Variants in CAMSAP1 observed in about 807,000 individuals in gnomAD.
CAMSAP1 encodes the protein calmodulin-regulated spectrin-associated protein 1.
In CAMSAP1, 58 loss-of-function variants were observed where a neutral mutation model predicts 143.5. The observed-to-expected ratio is 0.40, with a 90% CI of 0.33 to 0.50. The LOEUF is 0.50. Among genes scored for constraint, CAMSAP1 ranks in the 20% least tolerant of loss-of-function variants. The pLI is 0.45. For missense variants in CAMSAP1, 1,969 were observed against 2,115.7 expected (o/e 0.93, Z 1.36); for synonymous variants, 945 against 859.3 (o/e 1.10, Z -1.74).
At chr9:135,819,917 C>T (rs1201154477) in intron 11 of CAMSAP1, among the ~76,000 whole-genome samples, 1 of 152,070 alleles carries the variant, frequency 6.6e-6, no homozygotes, top group Non-Finnish European at 1.5e-5. Flanking sequence ...AGTGCAACCA[C>T]CAAATAAAGC....
intron 1 of CAMSAP1, among the ~76,000 whole-genome samples, chr9:135,900,824 G>A (rs544053657): frequency 1.7e-4 from 26 of 151,954 alleles, no homozygotes; most frequent in Non-Finnish European, 2.6e-4. Context: ...GCGTAGTCTC[G>A]GCTCACCGCA....
At chr9:135,853,376 T>C (rs1427255678) in intron 5 of CAMSAP1, among the ~76,000 whole-genome samples, 1 of 152,180 alleles carries the variant, frequency 6.6e-6, no homozygotes, top group Non-Finnish European at 1.5e-5. Flanking sequence ...GTGCCAACGT[T>C]AGCTTTCCCA....
At chr9:135,883,489 G>A (rs1838024691) in intron 1 of CAMSAP1, among the ~76,000 whole-genome samples, 1 of 152,192 alleles carries the variant, frequency 6.6e-6, no homozygotes, top group Non-Finnish European at 1.5e-5. Flanking sequence ...GTAGTGCCTG[G>A]GGACACCAGC....
chr9:135,888,884 C>T (rs1051639385), intron 1 of CAMSAP1, among the ~76,000 whole-genome samples: 1 of 152,222 alleles, frequency 6.6e-6, no homozygotes. Context: ...TAACAAACTG[C>T]ACCTTGACAG....
rs938667451 is a variant in CAMSAP1 at position 135,905,349 on chromosome 9, G to A, written c.160+1651C>T. Among the ~76,000 whole-genome samples the A allele has an allele frequency of 3.9e-5, 6 of 152,232 alleles. No individual in the cohort carries two copies. The East Asian group carries it at 5.8e-4, about 15-fold the overall frequency. ...TAAAAAATGCATGCACCTTGCTAAA[G>A]AAATTGGAAAGCAGATCGTGAAAGT... On this transcript the variant is annotated intron_variant, in intron 1 of 16. Transcript: ENST00000389532.
Position 135,818,673 on chromosome 9 carries a change from TGCGCCGCG to T in CAMSAP1, c.3960-65_3960-58del. On this transcript the variant is annotated intron_variant, in intron 12 of 16. Coordinates refer to ENST00000389532, the MANE Select transcript of CAMSAP1 (RefSeq NM_015447.4). This position sits in a 1 kb window ranked among gnomAD's most constrained non-coding sequence, Gnocchi z 7.7. ...GTCACGGGGCTTCTTCCACGACGCC[TGCGCCGCG>T]GCGCTCTGTCCAGGCGCGTTTCTCG... is the stretch of plus-strand genomic sequence containing the variant. The T allele has an allele frequency of 1.9e-6, 3 of 1,568,796 alleles. No homozygotes were observed. Among genetic ancestry groups the T allele is most frequent in the Non-Finnish European group, 2.6e-6 (3 of 1,152,184 alleles).
chr9:135,846,764 C>T (rs374088376), intron 7 of CAMSAP1, among the ~76,000 whole-genome samples: 12 of 150,308 alleles, frequency 8.0e-5, no homozygotes, highest in African/African-American at 2.7e-4. Flanking sequence ...TATATGCGGC[C>T]GACAAACATA....
chr9:135,869,458 G>A (rs1040377818), intron 3 of CAMSAP1, among the ~76,000 whole-genome samples: 7 of 150,552 alleles, frequency 4.6e-5, no homozygotes, highest in African/African-American at 9.8e-5. Context: ...AGCCACGACC[G>A]CACCACTGCA....
intron 1 of CAMSAP1, among the ~76,000 whole-genome samples, chr9:135,904,375 G>T (rs1474460988): frequency 7.1e-6 from 1 of 141,108 alleles, no homozygotes; most frequent in East Asian, 2.1e-4. Context: ...CTCCAGCCTG[G>T]CCGACAGAGC....
Position 135,882,931 on chromosome 9 carries a change from G to A in CAMSAP1, c.308C>T (p.Ala103Val). The A allele has an allele frequency of 6.4e-7, 1 of 1,551,778 alleles. No homozygotes were observed. Among genetic ancestry groups the A allele is most frequent in the South Asian group, 1.2e-5 (1 of 84,062 alleles). ...GATGACAGACTGGTGTCCCTGTAAG[G>A]CGGCCACCTGGTCCCCTTTCAGGAT... ...SLILKGDQVA[A>V]LQGHQSVIQA... Residue 103 changes from alanine to valine, a missense_variant, in exon 2 of 17, where the codon GCC becomes GTC. Ala to Val is a moderately conservative substitution (Grantham distance 64). This residue lies in a region of CAMSAP1 where 215 missense variants were observed against 196.2 expected (regional missense o/e 1.10). Transcript: ENST00000389532. This position sits in a 1 kb window ranked among gnomAD's most constrained non-coding sequence, Gnocchi z 4.9.
intron 1 of CAMSAP1, among the ~76,000 whole-genome samples, chr9:135,895,618 G>C (rs1231888416): frequency 6.6e-6 from 1 of 152,198 alleles, no homozygotes. Flanking sequence ...GGAGGACCAG[G>C]AAGAAAAATG....
chr9:135,821,577 G>T lies in CAMSAP1; in HGVS notation c.3084C>A (p.Asn1028Lys). The change falls in exon 11 of 17, where the codon AAC (asparagine) becomes AAA (lysine). Residue 1028 changes from asparagine to lysine, a missense_variant. By Grantham distance (94) the Asn-to-Lys change is moderately conservative. This residue lies in a region of CAMSAP1 where 1,390 missense variants were observed against 1,420.8 expected (regional missense o/e 0.98). Coordinates refer to ENST00000389532, the MANE Select transcript of CAMSAP1 (RefSeq NM_015447.4). This position sits in a 1 kb window ranked among gnomAD's most constrained non-coding sequence, Gnocchi z 4.6. ...CCTGCTGCAGCGTACTGATGGTTTCGTTAAGCTTCTCGATGGAAAGGTCAC... is the reference window on the plus strand; with the variant it reads ...CCTGCTGCAGCGTACTGATGGTTTCTTTAAGCTTCTCGATGGAAAGGTCAC... ...NECDLSIEKL[N>K]ETISTLQQAI... 1 of 1,613,978 alleles carries T rather than the reference G, an allele frequency of 6.2e-7. No homozygotes were observed. The highest frequency in any genetic ancestry group is 8.5e-7 in the Non-Finnish European group (1 of 1,179,890).
intron 5 of CAMSAP1, among the ~76,000 whole-genome samples, chr9:135,861,138 C>A (rs1182777689): frequency 6.6e-6 from 1 of 152,144 alleles, no homozygotes; most frequent in Non-Finnish European, 1.5e-5. Context: ...GTTTTCTAGT[C>A]CTCTTCCCAA....
Position 135,808,815 on chromosome 9 carries a change from C to T in CAMSAP1, c.*2494G>A, listed in dbSNP as rs958310035. 1.3e-5 allele frequency: 2 copies of T among 152,234 alleles called. No individual in the cohort carries two copies. Among genetic ancestry groups the T allele is most frequent in the Non-Finnish European group, 2.9e-5 (2 of 68,036 alleles). 9.4% of individuals were successfully genotyped at this position (152,234 alleles called of 1,614,324 possible). A position where few individuals can be genotyped will look rare whatever the true frequency, so the allele number is the denominator to read the frequency against. The stretch of plus-strand genomic sequence containing the variant: ...ACGCAAGTTTCATTTCTCTTTCAAC[C>T]CTTCTGGGCTCCCAGAATTCTAGCA... On this transcript the variant is annotated 3_prime_UTR_variant, in exon 17 of 17. Coordinates refer to ENST00000389532, the MANE Select transcript of CAMSAP1 (RefSeq NM_015447.4).
At chr9:135,868,768 C>G (rs772225354) in intron 3 of CAMSAP1, among the ~76,000 whole-genome samples, 5 of 151,974 alleles carry the variant, frequency 3.3e-5, no homozygotes, top group Non-Finnish European at 5.9e-5. Flanking sequence ...AGGCGCCCAC[C>G]ACCACGCCTG....
chr9:135,904,672 AAAG>A (rs1389166915), intron 1 of CAMSAP1, among the ~76,000 whole-genome samples: 1 of 152,106 alleles, frequency 6.6e-6, no homozygotes, highest in Admixed American at 6.5e-5. Context: ...CTCTCGGCAA[AAAG>A]AAGTGGAAAC....
chr9:135,811,003 C>T lies in CAMSAP1; in HGVS notation c.*306G>A, dbSNP rs1835028206. The T allele has an allele frequency of 7.5e-6, 3 of 400,606 alleles. No homozygotes were observed. Among genetic ancestry groups the T allele is most frequent in the Non-Finnish European group, 1.4e-5 (3 of 220,388 alleles). The allele number at this position is 400,606 out of a possible 1,614,324, so 24.8% of individuals were successfully genotyped here. A position where few individuals can be genotyped will look rare whatever the true frequency, so the allele number is the denominator to read the frequency against. ...GGGAGCTCCGTGGCCCGGGACCTGGCTGTGAACACCCTCCGCTGGGAGCCT... is the reference window on the plus strand; with the variant it reads ...GGGAGCTCCGTGGCCCGGGACCTGGTTGTGAACACCCTCCGCTGGGAGCCT... On this transcript the variant is annotated 3_prime_UTR_variant, in exon 17 of 17. Transcript: ENST00000389532. The surrounding 1 kb of genome is among the most constrained non-coding windows in gnomAD (Gnocchi z 4.9).
In CAMSAP1 at chr9:135,836,498, A is replaced by T. The variant is rs115992068; in HGVS notation, c.1046-8914T>A. The T allele has an allele frequency of 2.9e-3, 2,856 of 976,664 alleles. 35 individuals carry two copies. In the African/African-American group the frequency reaches 0.05, roughly 17 times the overall value. The allele number at this position is 976,664 out of a possible 1,614,324, so 60.5% of individuals were successfully genotyped here. Reference sequence around the variant, plus strand: ...TTTCTACCCTGTTCTACAGACACACATCACCACGCACTTTCCACCCATTCC... The same window carrying T: ...TTTCTACCCTGTTCTACAGACACACTTCACCACGCACTTTCCACCCATTCC... On this transcript the variant is annotated intron_variant, in intron 7 of 16. Transcript: ENST00000389532.
At chr9:135,836,588 C>A in intron 7 of CAMSAP1, 2 of 984,754 alleles carry the variant, frequency 2.0e-6, no homozygotes, top group Non-Finnish European at 2.4e-6. Flanking sequence ...CACTTTCTAC[C>A]CATTCTGCAG....
Sources: allele counts gnomAD v4.1 joint callset (sites outside exome capture counted in the v4.1 genomes callset), GRCh38; gene constraint gnomAD v4.1.1; regional missense constraint gnomAD v4.1.1; non-coding constraint Gnocchi (gnomAD v3.1); transcripts MANE v1.5; gene names NCBI Gene and HGNC (gene_info 2026-07-23, HGNC 2026-07-21).